Variants in MYO7A observed in about 807,000 individuals in gnomAD.
MYO7A encodes the protein unconventional myosin-VIIa.
A neutral mutation model predicts 263.8 loss-of-function variants in MYO7A; 210 were observed. That is an observed-to-expected ratio of 0.80 (90% CI 0.71 to 0.89). The LOEUF is 0.89. MYO7A is among the 40% of genes least tolerant of loss of function. The pLI is 0.00. For synonymous variants in MYO7A, 1,239 were observed against 1,197.3 expected (o/e 1.03, Z -0.72); for missense variants, 2,820 against 2,968.3 (o/e 0.95, Z 1.16).
intron 44 of MYO7A, among the ~76,000 whole-genome samples, chr11:77,210,095 A>G (rs1289701083): frequency 1.3e-5 from 2 of 152,256 alleles, no homozygotes; most frequent in Non-Finnish European, 2.9e-5. Flanking sequence ...AGCCTAGATT[A>G]GGTCACCTTG....
chr11:77,204,428 G>T (rs1206629484), intron 39 of MYO7A, among the ~76,000 whole-genome samples, 199 bp downstream of exon 39: 1 of 152,226 alleles, frequency 6.6e-6, no homozygotes, highest in Non-Finnish European at 1.5e-5. Flanking sequence ...GGAGGTGGTG[G>T]ATGTCTTCCT....
chr11:77,190,007 A>G lies in MYO7A; in HGVS notation c.3631-13A>G, dbSNP rs774714965. 5.9e-6 allele frequency: 9 copies of G among 1,527,096 alleles called. No individual in the cohort carries two copies. In the South Asian group the frequency reaches 1.1e-4, roughly 19 times the overall value. 94.6% of individuals were successfully genotyped at this position (1,527,096 alleles called of 1,614,324 possible). On this transcript the variant is annotated splice_polypyrimidine_tract_variant and intron_variant, in intron 28 of 48. Coordinates refer to ENST00000409709, the MANE Select transcript of MYO7A (RefSeq NM_000260.4). Reference sequence around the variant, plus strand: ...AGCCCCAGGGGCCGCCTCAGCGGGTACTCTGGCTGCAGTACCTGCGGAACT... The same window carrying G: ...AGCCCCAGGGGCCGCCTCAGCGGGTGCTCTGGCTGCAGTACCTGCGGAACT...
At chr11:77,173,056 G>A (rs530889829) in intron 16 of MYO7A, among the ~76,000 whole-genome samples, 171 bp downstream of exon 16, 109 of 152,270 alleles carry the variant, frequency 7.2e-4, no homozygotes, top group African/African-American at 2.1e-3. Flanking sequence ...GAGGCAGCAG[G>A]TGCCTTGGAA....
chr11:77,196,350 G>T, intron 32 of MYO7A, among the ~76,000 whole-genome samples: 1 of 141,182 alleles, frequency 7.1e-6, no homozygotes, highest in East Asian at 2.0e-4. Flanking sequence ...TGGGGGACAA[G>T]AGCAAGACTC....
intron 9 of MYO7A, among the ~76,000 whole-genome samples, 182 bp downstream of exon 9, chr11:77,158,612 G>C (rs1952712842): frequency 6.6e-6 from 1 of 152,224 alleles, no homozygotes; most frequent in South Asian, 2.1e-4. Flanking sequence ...AATCAGCGGT[G>C]GGTGTGGTGT....
intron 2 of MYO7A, among the ~76,000 whole-genome samples, chr11:77,132,442 A>G (rs1324069052): frequency 6.6e-6 from 1 of 151,998 alleles, no homozygotes; most frequent in East Asian, 2.0e-4. Flanking sequence ...TTAGCTTCAC[A>G]ATGGCAGCTG....
chr11:77,174,510 G>A (rs934189447), intron 16 of MYO7A, among the ~76,000 whole-genome samples: 5 of 152,228 alleles, frequency 3.3e-5, no homozygotes, highest in Non-Finnish European at 2.9e-5. Context: ...CCCCACTTGG[G>A]TGTCCCAAGG....
At chr11:77,203,970 C>T (rs1330859479) in intron 38 of MYO7A, 106 bp from the exon 39 acceptor site, 12 of 1,288,578 alleles carry the variant, frequency 9.3e-6, no homozygotes, top group Non-Finnish European at 1.3e-5. Context: ...CCTGAGGGCC[C>T]AGGGTCACAG....
chr11:77,203,931 C>T (rs1179968470), intron 38 of MYO7A, 145 bp from the exon 39 acceptor site: 12 of 878,614 alleles, frequency 1.4e-5, no homozygotes, highest in Non-Finnish European at 1.4e-5. Flanking sequence ...GAGGGTGGGG[C>T]AGATCATGCC....
rs930937374 is a variant in MYO7A, at chr11:77,156,656, G to A, written c.471-4G>A. 9 of 1,613,756 alleles carry A rather than the reference G, an allele frequency of 5.6e-6. No homozygotes were observed. Among genetic ancestry groups the A allele is most frequent in the Non-Finnish European group, 6.8e-6 (8 of 1,179,826 alleles). ...ACAGGTCCTGCCACTCCCTCCCTCT[G>A]CAGTGGGGAATCTGGGGCCGGGAAG... is the stretch of plus-strand genomic sequence containing the variant. On this transcript the variant is annotated splice_polypyrimidine_tract_variant and splice_region_variant and intron_variant, in intron 5 of 48. Coordinates refer to ENST00000409709, the MANE Select transcript of MYO7A (RefSeq NM_000260.4).
rs201008835 is a variant in MYO7A, at chr11:77,204,098, C to G, written c.5349C>G (p.Asp1783Glu). 6.2e-7 allele frequency: 1 copy of G among 1,601,758 alleles called. No individual in the cohort carries two copies. The highest frequency in any genetic ancestry group is 8.5e-7 in the Non-Finnish European group (1 of 1,174,424). ...AFIAVLKYMG[D>E]YPSKRTRSVN... Reference sequence around the variant, plus strand: ...CAGCTGTGCTCAAGTACATGGGCGACTACCCGTCCAAGAGGACACGCTCCG... The same window carrying G: ...CAGCTGTGCTCAAGTACATGGGCGAGTACCCGTCCAAGAGGACACGCTCCG... The change falls in exon 39 of 49, where the codon GAC becomes GAG. Residue 1783 changes from aspartate (D) to glutamate (E), a missense_variant. Asp to Glu is a conservative substitution (Grantham distance 45, BLOSUM62 2). Coordinates refer to ENST00000409709, the MANE Select transcript of MYO7A (RefSeq NM_000260.4).
chr11:77,159,488 T>A lies in MYO7A; in HGVS notation c.1045T>A (p.Ser349Thr). Residue 349 changes from serine (S) to threonine (T), a missense_variant, in exon 10 of 49, where the codon TCC becomes ACC. Transcript: ENST00000409709. ...CCTGGATGCCTGTGAGGTTCTCTTCTCCCCATCGCTGGCCACAGCTGCATC... is the reference window on the plus strand; with the variant it reads ...CCTGGATGCCTGTGAGGTTCTCTTCACCCCATCGCTGGCCACAGCTGCATC... Reference protein sequence around the residue: ...ENLDACEVLFSPSLATAASLL... With the variant: ...ENLDACEVLFTPSLATAASLL... 1 of 1,611,778 alleles carries A rather than the reference T, an allele frequency of 6.2e-7. No homozygotes were observed. The highest frequency in any genetic ancestry group is 8.5e-7 in the Non-Finnish European group (1 of 1,179,042).
chr11:77,148,008 C>T lies in MYO7A; in HGVS notation c.285+58C>T. 2.1e-6 allele frequency: 3 copies of T among 1,423,410 alleles called. No individual in the cohort carries two copies. In the South Asian group the frequency reaches 4.3e-5, roughly 20 times the overall value. The allele number at this position is 1,423,410 out of a possible 1,614,324, so 88.2% of individuals were successfully genotyped here. ...CCCCCTCAGGCCCCGCCCCGCCCAC[C>T]TCGCCCCACCCCGCCCGACTTGCCT... On this transcript the variant is annotated intron_variant, in intron 4 of 48. Transcript: ENST00000409709.
At chr11:77,179,221 A>G in intron 20 of MYO7A, 92 bp downstream of exon 20, 5 of 1,180,838 alleles carry the variant, frequency 4.2e-6, no homozygotes, top group Non-Finnish European at 6.0e-6. Flanking sequence ...CCCAGGCAGC[A>G]CAGCCTGGCC....
At chr11:77,172,699 T>C (rs1392256233) in intron 15 of MYO7A, 49 bp from the exon 16 acceptor site, 53 of 1,545,076 alleles carry the variant, frequency 3.4e-5, no homozygotes, top group Non-Finnish European at 4.1e-5. Flanking sequence ...CCTGGGACAC[T>C]GGATGGGGCA....
chr11:77,213,787 G>T (rs1958007050), intron 47 of MYO7A, 73 bp from the exon 48 acceptor site: 7 of 1,607,140 alleles, frequency 4.4e-6, no homozygotes, highest in Non-Finnish European at 6.0e-6. Flanking sequence ...GAGGCCTTCT[G>T]TGAGGGCATG....
In MYO7A at chr11:77,162,836, G is replaced by T. The variant is rs894184895; in HGVS notation, c.1555-17G>T. The T allele has an allele frequency of 6.2e-6, 10 of 1,606,708 alleles. No individual in the cohort carries two copies. The highest frequency in any genetic ancestry group is 8.5e-6 in the Non-Finnish European group (10 of 1,175,032). On this transcript the variant is annotated splice_polypyrimidine_tract_variant and intron_variant, in intron 13 of 48. Transcript: ENST00000409709. ...TGGAGGAGAGGGTGGGCTCACAGCT[G>T]CCCCTCCACTCCCCAGGGCACAGAC...
rs782454223 is a variant in MYO7A at position 77,179,132 on chromosome 11, G to GAGCCTCCCCATGGGCTGCTC, written c.2367+4_2367+23dup. ...ACTGTAGGAAGAACTACGGGCTGGT[G>GAGCCTCCCCATGGGCTGCTC]AGCCTCCCCATGGGCTGCTCTTGCC... is the stretch of plus-strand genomic sequence containing the variant. On this transcript the variant is annotated splice_donor_region_variant and intron_variant, in intron 20 of 48. Coordinates refer to ENST00000409709, the MANE Select transcript of MYO7A (RefSeq NM_000260.4). 2.4e-5 allele frequency: 38 copies of GAGCCTCCCCATGGGCTGCTC among 1,596,366 alleles called. No individual in the cohort carries two copies. The highest frequency in any genetic ancestry group is 3.2e-5 in the Non-Finnish European group (38 of 1,172,046).
intron 35 of MYO7A, 47 bp downstream of exon 35, chr11:77,199,865 T>C: frequency 1.3e-6 from 2 of 1,503,404 alleles, no homozygotes; most frequent in Non-Finnish European, 1.8e-6. Flanking sequence ...GGTCAGGGTG[T>C]TATGCAGACT....
Sources: allele counts gnomAD v4.1 joint callset (sites outside exome capture counted in the v4.1 genomes callset), GRCh38; gene constraint gnomAD v4.1.1; transcripts MANE v1.5; gene names NCBI Gene and HGNC (gene_info 2026-07-23, HGNC 2026-07-21).